MAP4: variants seen among roughly 807,000 people sequenced by gnomAD.
The protein encoded by MAP4 is microtubule-associated protein 4.
Under a neutral mutation model 170.2 loss-of-function variants are expected in MAP4, and 76 were observed. The ratio of observed to expected loss-of-function variants is 0.45; its 90% CI spans 0.37 to 0.54. The LOEUF is 0.54. Among genes scored for constraint, MAP4 ranks in the 20% least tolerant of loss-of-function variants. The pLI is 0.00. For synonymous variants in MAP4, 909 were observed against 994.5 expected, an observed-to-expected ratio of 0.91 and a Z score of 1.62; for missense variants, 2,506 against 2,748.0, an observed-to-expected ratio of 0.91 and a Z score of 1.97.
At chr3:48,030,798 C>CAAAAAAAAA (rs71625847) in intron 1 of MAP4, among the ~76,000 whole-genome samples, 2 of 29,062 alleles carry the variant, frequency 6.9e-5, no homozygotes, top group African/African-American at 1.1e-4. Flanking sequence ...GACTCCATCT[C>CAAAAAAAAA]AAAAAAAAAA....
intron 7 of MAP4, 44 bp downstream of exon 7, chr3:47,915,907 C>CA: frequency 6.4e-7 from 1 of 1,562,008 alleles, no homozygotes; most frequent in Non-Finnish European, 8.6e-7. Context: ...CTCGAGACTA[C>CA]AACCTGGTAG....
At chr3:48,049,979 G>A (rs2100126754) in intron 1 of MAP4, among the ~76,000 whole-genome samples, 1 of 151,516 alleles carries the variant, frequency 6.6e-6, no homozygotes, top group Non-Finnish European at 1.5e-5. Context: ...AAAATTTTTG[G>A]CCGGGTGCAG....
chr3:47,919,402 G>A (rs1577600022), intron 5 of MAP4, among the ~76,000 whole-genome samples: 1 of 151,936 alleles, frequency 6.6e-6, no homozygotes, highest in African/African-American at 2.4e-5. Flanking sequence ...CTGCCTCCCA[G>A]GTTCACGCCA....
chr3:47,948,809 G>C (rs778000682), intron 3 of MAP4, among the ~76,000 whole-genome samples: 1 of 151,904 alleles, frequency 6.6e-6, no homozygotes, highest in Non-Finnish European at 1.5e-5. Context: ...TTTTAGTAGA[G>C]ACAGGGTTTC....
intron 1 of MAP4, among the ~76,000 whole-genome samples, chr3:48,049,800 T>G (rs910975789): frequency 6.7e-6 from 1 of 149,720 alleles, no homozygotes; most frequent in East Asian, 2.0e-4. Context: ...TAGCTGGGCA[T>G]GGTGGCGCGT....
chr3:47,891,597 T>G, intron 10 of MAP4: 2 of 1,535,754 alleles, frequency 1.3e-6, no homozygotes, highest in Non-Finnish European at 1.7e-6. Context: ...GACAGGGCCC[T>G]GCGCACTGCC....
chr3:47,959,472 T>C (rs565320446), intron 3 of MAP4, among the ~76,000 whole-genome samples: 2 of 135,910 alleles, frequency 1.5e-5, no homozygotes, highest in Admixed American at 7.5e-5. Flanking sequence ...AAAAAAAAAA[T>C]GTGGCTGGGC....
chr3:47,983,533 T>C (rs6775264), intron 2 of MAP4, among the ~76,000 whole-genome samples: 150,668 of 152,182 alleles, frequency 0.99, 74,604 homozygotes, highest in Middle Eastern at 1. Context: ...GCTACAGGCA[T>C]GTGCCACCAT....
chr3:48,037,160 G>A (rs750400785), intron 1 of MAP4, among the ~76,000 whole-genome samples: 2 of 151,988 alleles, frequency 1.3e-5, no homozygotes, highest in African/African-American at 4.8e-5. Flanking sequence ...AGTAAAAAAG[G>A]GTCCCTCCAA....
At chr3:47,918,908 T>C in intron 5 of MAP4, 67 bp from the exon 6 acceptor site, 1 of 1,416,024 alleles carries the variant, frequency 7.1e-7, no homozygotes, top group African/African-American at 1.4e-5. Context: ...AGGTATTTGA[T>C]ATATTTTTGT....
At chr3:47,869,083 G>A in intron 16 of MAP4, 131 bp downstream of exon 16, 1 of 700,322 alleles carries the variant, frequency 1.4e-6, no homozygotes, top group South Asian at 1.8e-5. Flanking sequence ...GCACAGAGAA[G>A]GGAATATAGG....
chr3:47,937,276 T>C (rs2100053519), intron 3 of MAP4, among the ~76,000 whole-genome samples: 2 of 152,096 alleles, frequency 1.3e-5, no homozygotes, highest in East Asian at 3.9e-4. Flanking sequence ...GTCATTTAAG[T>C]AGATGAAAGT....
chr3:47,973,787 C>T (rs574546562), intron 3 of MAP4: 233 of 985,268 alleles, frequency 2.4e-4, no homozygotes, highest in South Asian at 5.6e-4. Context: ...AGATCCCTGG[C>T]GAAAGAAACC....
At chr3:47,914,369 C>T (rs536517050) in intron 8 of MAP4, among the ~76,000 whole-genome samples, 3 of 151,974 alleles carry the variant, frequency 2.0e-5, no homozygotes, top group African/African-American at 7.2e-5. Flanking sequence ...ACCAGCCTGG[C>T]CAACATGGTG....
At chr3:48,087,739 G>A (rs934835074) in intron 1 of MAP4, among the ~76,000 whole-genome samples, 126 of 59,572 alleles carry the variant, frequency 2.1e-3, no homozygotes, top group Non-Finnish European at 3.4e-3. Flanking sequence ...GCACACACAC[G>A]CACGCGCACA....
At chr3:47,924,092 T>C (rs1020153050) in intron 4 of MAP4, among the ~76,000 whole-genome samples, 1 of 152,200 alleles carries the variant, frequency 6.6e-6, no homozygotes, top group Non-Finnish European at 1.5e-5. Context: ...TAGTCATTAA[T>C]TTTTTACTGG....
At position 48,016,373 on chromosome 3, in the gene MAP4, T is replaced by C. The variant is rs1025768077; in HGVS notation, c.-59A>G. 4 of 152,222 alleles carry C rather than the reference T, an allele frequency of 2.6e-5. No individual in the cohort carries two copies. The highest frequency in any genetic ancestry group is 5.9e-5 in the Non-Finnish European group (4 of 68,038). 9.4% of individuals were successfully genotyped at this position (152,222 alleles called of 1,614,324 possible). ...CAGCTTGTGTTCAGTCCTGACTAAA[T>C]GCATTTTGGATCAGGCACCTGCCTT... On this transcript the variant is annotated 5_prime_UTR_variant, in exon 1 of 21. Transcript: ENST00000683076.
rs7611615 is a variant in MAP4 at position 47,944,215 on chromosome 3, C to T, written c.293-15865G>A. ...ATCCCAGCTAATCAGGAGGCTGAGG[C>T]AGAAGAATGGCTTGAACCTGGGAGG... is the stretch of plus-strand genomic sequence containing the variant. On this transcript the variant is annotated intron_variant, in intron 3 of 20. Coordinates refer to ENST00000683076, the MANE Select transcript of MAP4 (RefSeq NM_001385682.1). Among the ~76,000 whole-genome samples the T allele has an allele frequency of 8.9e-3, 1,354 of 152,124 alleles. 21 individuals are homozygous for T. Among genetic ancestry groups the T allele is most frequent in the African/African-American group, 0.031 (1,281 of 41,530 alleles).
chr3:48,006,060 A>C (rs992103489), intron 1 of MAP4, among the ~76,000 whole-genome samples: 1 of 152,204 alleles, frequency 6.6e-6, no homozygotes, highest in Non-Finnish European at 1.5e-5. Context: ...AACGGACAGG[A>C]AGCCTACTGC....
Sources: gnomAD v4.1 joint callset for allele counts (sites outside exome capture counted in the v4.1 genomes callset) on GRCh38, gnomAD v4.1.1 for gene constraint, MANE v1.5 for transcripts, NCBI Gene and HGNC (gene_info 2026-07-23, HGNC 2026-07-21) for gene names.